The following GSR variants were observed in gnomAD, a reference collection of about 807,000 sequenced individuals.
The protein encoded by GSR is glutathione-disulfide reductase, also known as glutathione reductase, mitochondrial.
GSR carries 48 observed loss-of-function variants against 56.5 expected under a neutral mutation model. That is an observed-to-expected ratio of 0.85 (90% CI 0.67 to 1.08). GSR has a LOEUF of 1.08. Among genes scored for constraint, GSR ranks in the 50% least tolerant of loss-of-function variants. The probability of loss-of-function intolerance (pLI) is 0.00; values close to 1 mark genes in which losing one functional copy is unlikely to be tolerated. For synonymous variants in GSR, 264 were observed against 270.8 expected, an observed-to-expected ratio of 0.97 and a Z score of 0.25; for missense variants, 694 against 703.3, an observed-to-expected ratio of 0.99 and a Z score of 0.15.
intron 8 of GSR, among the ~76,000 whole-genome samples, chr8:30,689,719 T>C (rs190934565): frequency 1.4e-4 from 20 of 145,372 alleles, no homozygotes. Flanking sequence ...AATTAGTGCC[T>C]CTCCCTGGGT....
intron 1 of GSR, among the ~76,000 whole-genome samples, chr8:30,725,065 A>T (rs935648118): frequency 6.6e-6 from 1 of 152,282 alleles, no homozygotes; most frequent in East Asian, 1.9e-4. Context: ...CACAACCACA[A>T]AATTCCTTAA....
chr8:30,709,814 C>G lies in GSR; in HGVS notation c.422G>C (p.Arg141Pro). 6.6e-7 allele frequency: 1 copy of G among 1,523,218 alleles called. No individual in the cohort carries two copies. Among genetic ancestry groups the G allele is most frequent in the South Asian group, 1.1e-5 (1 of 89,340 alleles). The allele number at this position is 1,523,218 out of a possible 1,614,324, so 94.4% of individuals were successfully genotyped here. A position where few individuals can be genotyped will look rare whatever the true frequency, so the allele number is the denominator to read the frequency against. Residue 141 changes from arginine (R) to proline (P), a missense_variant and splice_region_variant, in exon 3 of 13, where the codon CGT (arginine) becomes CCT (proline). By Grantham distance (103) the Arg-to-Pro change is moderately radical (BLOSUM62 -2). Coordinates refer to ENST00000221130, the MANE Select transcript of GSR (RefSeq NM_000637.5). ...GAACCCTCTGAGTGTTGACACTTAC[C>G]GCCAATTGAATTTACCCTCACAACT... ...FPSCEGKFNW[R>P]VIKEKRDAYV...
intron 1 of GSR, among the ~76,000 whole-genome samples, chr8:30,722,731 C>CAAAA (rs200083922): frequency 2.2e-4 from 25 of 112,716 alleles, no homozygotes; most frequent in African/African-American, 9.2e-4. Context: ...GACCCTGTCT[C>CAAAA]AAAAAAAAAA....
chr8:30,703,016 C>A, intron 5 of GSR, 77 bp downstream of exon 5: 1 of 1,457,004 alleles, frequency 6.9e-7, no homozygotes, highest in Non-Finnish European at 9.6e-7. Flanking sequence ...TAGGCAGATC[C>A]CCTGGCATGG....
At chr8:30,691,092 T>C (rs901558091) in intron 8 of GSR, among the ~76,000 whole-genome samples, 1 of 151,810 alleles carries the variant, frequency 6.6e-6, no homozygotes, top group African/African-American at 2.4e-5. Flanking sequence ...AGGCCAGGCA[T>C]GGTGGCTCAT....
chr8:30,693,085 G>T, intron 7 of GSR, 30 bp from the exon 8 acceptor site: 1 of 1,375,192 alleles, frequency 7.3e-7, no homozygotes, highest in Non-Finnish European at 1.0e-6. Flanking sequence ...TGGGTAATGC[G>T]AGAGGAAGAA....
intron 4 of GSR, chr8:30,707,204 A>G (rs1280426589): frequency 6.6e-6 from 1 of 152,206 alleles, no homozygotes; most frequent in African/African-American, 2.4e-5. Flanking sequence ...AAACTGGTAT[A>G]CTGGTGCACA....
chr8:30,693,350 TTC>T (rs1255760484), intron 7 of GSR, among the ~76,000 whole-genome samples: 1 of 152,142 alleles, frequency 6.6e-6, no homozygotes, highest in Admixed American at 6.5e-5. Flanking sequence ...GGAACAGAAA[TTC>T]TCTTTCCACT....
chr8:30,690,911 T>C (rs1472846842), intron 8 of GSR, among the ~76,000 whole-genome samples: 2 of 152,036 alleles, frequency 1.3e-5, no homozygotes, highest in Non-Finnish European at 2.9e-5. Flanking sequence ...CAAAAATTTT[T>C]TTTTTAATTA....
intron 9 of GSR, among the ~76,000 whole-genome samples, chr8:30,686,602 G>A (rs1245640459): frequency 6.6e-6 from 1 of 152,040 alleles, no homozygotes; most frequent in Non-Finnish European, 1.5e-5. Context: ...TAGAAGGATG[G>A]CTTGAGCCCA....
intron 1 of GSR, among the ~76,000 whole-genome samples, chr8:30,716,984 T>C (rs1299514029): frequency 6.6e-6 from 1 of 152,076 alleles, no homozygotes. Context: ...ATGCCTGTAA[T>C]CCCAGCACTT....
intron 1 of GSR, among the ~76,000 whole-genome samples, chr8:30,719,057 G>A (rs1804437470): frequency 6.7e-6 from 1 of 149,702 alleles, no homozygotes; most frequent in South Asian, 2.1e-4. Flanking sequence ...AGCCTCCCGA[G>A]TACCTGGGAT....
chr8:30,727,648 G>A lies in GSR; in HGVS notation c.188C>T (p.Ala63Val), dbSNP rs1804787665. The A allele has an allele frequency of 1.4e-6, 2 of 1,468,876 alleles. No homozygotes were observed. Among genetic ancestry groups the A allele is most frequent in the Admixed American group, 2.5e-5 (1 of 39,502 alleles). 91.0% of individuals were successfully genotyped at this position (1,468,876 alleles called of 1,614,324 possible). ...CCCGATCACCAGGTAGTCATAGGAG[G>A]CCACGGCGCCAGCAGCGGGCGGCGG... ...QGPPPAAGAV[A>V]SYDYLVIGGG... The change falls in exon 1 of 13, where the codon GCC becomes GTC. Residue 63 changes from alanine to valine, a missense_variant. Physicochemically the swap from Ala to Val is moderately conservative, Grantham distance 64. Transcript: ENST00000221130.
chr8:30,724,597 G>A (rs1586074531), intron 1 of GSR, among the ~76,000 whole-genome samples: 2 of 114,658 alleles, frequency 1.7e-5, no homozygotes, highest in East Asian at 3.0e-4. Flanking sequence ...TGCCCACACT[G>A]GAGTGCAGAG....
chr8:30,710,746 GAAAAGAAAA>G (rs1417052881), intron 2 of GSR, among the ~76,000 whole-genome samples: 68 of 59,508 alleles, frequency 1.1e-3, no homozygotes, highest in Non-Finnish European at 1.9e-3. Context: ...AAAAAAAAAA[GAAAAGAAAA>G]AAAAGAAAAA....
At chr8:30,696,554 CAG>C (rs1336648006) in intron 6 of GSR, 75 bp from the exon 7 acceptor site, 5 of 981,434 alleles carry the variant, frequency 5.1e-6, no homozygotes, top group African/African-American at 1.6e-5. Context: ...AGAAAAGTTG[CAG>C]AGATAGTACA....
chr8:30,695,659 T>C (rs1803520764), intron 7 of GSR, among the ~76,000 whole-genome samples: 1 of 152,210 alleles, frequency 6.6e-6, no homozygotes, highest in African/African-American at 2.4e-5. Context: ...CACCCCTGCT[T>C]TAATGCAAAG....
chr8:30,700,235 C>A (rs1803684201), intron 5 of GSR, 100 bp from the exon 6 acceptor site: 2 of 874,626 alleles, frequency 2.3e-6, no homozygotes, highest in Non-Finnish European at 3.9e-6. Context: ...TCACAGCCAA[C>A]ATAGTCTCCG....
At chr8:30,719,238 C>T (rs1317447904) in intron 1 of GSR, among the ~76,000 whole-genome samples, 1 of 150,936 alleles carries the variant, frequency 6.6e-6, no homozygotes, top group East Asian at 1.9e-4. Context: ...TCCCGAGTAG[C>T]TGGGACAACA....
Sources: gnomAD v4.1 joint callset for allele counts (sites outside exome capture counted in the v4.1 genomes callset) on GRCh38, gnomAD v4.1.1 for gene constraint, MANE v1.5 for transcripts, NCBI Gene and HGNC (gene_info 2026-07-23, HGNC 2026-07-21) for gene names.